Variants in ARID5B observed in about 807,000 individuals in gnomAD.
ARID5B encodes the protein AT-rich interaction domain 5B, also known as AT-rich interactive domain-containing protein 5B.
In ARID5B, 13 loss-of-function variants were observed where a neutral mutation model predicts 97.2. The ratio of observed to expected loss-of-function variants is 0.13; its 90% CI spans 0.09 to 0.21. The LOEUF (loss-of-function observed/expected upper bound fraction) is 0.21. Ranked by LOEUF, ARID5B falls within the 10% of genes least tolerant of loss-of-function variation. The probability of loss-of-function intolerance (pLI) is 1.00; values close to 1 mark genes in which losing one functional copy is unlikely to be tolerated. For missense variants in ARID5B, 1,210 were observed against 1,465.3 expected (o/e 0.83, Z 2.84); for synonymous variants, 556 against 570.3 (o/e 0.97, Z 0.36).
At chr10:62,078,306 T>C (rs955352064) in intron 8 of ARID5B, among the ~76,000 whole-genome samples, 1 of 152,074 alleles carries the variant, frequency 6.6e-6, no homozygotes, top group South Asian at 2.1e-4. Context: ...CTGGGCAACA[T>C]GGTGATACCC....
chr10:61,963,902 A>G (rs894503141), intron 3 of ARID5B, among the ~76,000 whole-genome samples: 1 of 152,106 alleles, frequency 6.6e-6, no homozygotes, highest in Non-Finnish European at 1.5e-5. Context: ...ACTCTCAGTT[A>G]AAGGAGCTTA....
intron 2 of ARID5B, among the ~76,000 whole-genome samples, chr10:61,924,209 G>A (rs1445923508): frequency 6.6e-6 from 1 of 152,188 alleles, no homozygotes; most frequent in Admixed American, 6.5e-5. Context: ...ACCTCCCCGA[G>A]GAGGCAAAAG....
chr10:61,917,012 C>T (rs1230831482), intron 2 of ARID5B, among the ~76,000 whole-genome samples: 1 of 151,882 alleles, frequency 6.6e-6, no homozygotes, highest in African/African-American at 2.4e-5. Context: ...CTAAAATGTT[C>T]CTCTTGAGCC....
chr10:61,979,417 G>C (rs756836557), intron 3 of ARID5B, among the ~76,000 whole-genome samples: 1 of 152,038 alleles, frequency 6.6e-6, no homozygotes, highest in Non-Finnish European at 1.5e-5. Flanking sequence ...TCGTAGGAAG[G>C]ATTTCACAGA....
At chr10:61,903,223 T>C (rs1179457970) in intron 2 of ARID5B, among the ~76,000 whole-genome samples, 1 of 151,762 alleles carries the variant, frequency 6.6e-6, no homozygotes, top group Non-Finnish European at 1.5e-5. Context: ...CCACTGGCCC[T>C]GCGGGTCCAG....
chr10:62,060,702 A>T (rs187224452), intron 7 of ARID5B, among the ~76,000 whole-genome samples: 126 of 152,348 alleles, frequency 8.3e-4, no homozygotes, highest in African/African-American at 3.0e-3. Context: ...AGTCAACCCA[A>T]TAGGCTAGAC....
intron 2 of ARID5B, among the ~76,000 whole-genome samples, chr10:61,934,197 A>T (rs1844259451): frequency 6.6e-6 from 1 of 152,200 alleles, no homozygotes; most frequent in Non-Finnish European, 1.5e-5. Flanking sequence ...CGTAGAATTG[A>T]AGAGAGTTAG....
intron 4 of ARID5B, among the ~76,000 whole-genome samples, chr10:62,025,698 G>A (rs1451850186): frequency 6.6e-6 from 1 of 150,806 alleles, no homozygotes; most frequent in Non-Finnish European, 1.5e-5. Flanking sequence ...ATGTTGAGAA[G>A]TATAGGTATA....
At position 62,031,530 on chromosome 10, in the gene ARID5B, A is replaced by G. The variant is rs557049792; in HGVS notation, c.734-19358A>G. 2.0e-5 allele frequency among the ~76,000 whole-genome samples: 3 copies of G among 152,344 alleles called. No homozygotes were observed. In the South Asian group the frequency reaches 6.2e-4, roughly 32 times the overall value. On this transcript the variant is annotated intron_variant, in intron 4 of 9. Transcript: ENST00000279873. ...GACCACTTGGTAAAGACCATGGGTT[A>G]ATCAAGGAACTAACCTCTTCACTGT...
intron 8 of ARID5B, among the ~76,000 whole-genome samples, chr10:62,075,566 G>A (rs900936680): frequency 3.3e-5 from 5 of 152,210 alleles, no homozygotes; most frequent in Admixed American, 6.5e-5. Flanking sequence ...TTCGGAGGAC[G>A]ACTCGCCACA....
At chr10:61,901,788 C>CCGG in intron 1 of ARID5B, 58 bp downstream of exon 1, 1 of 1,513,698 alleles carries the variant, frequency 6.6e-7, no homozygotes, top group Admixed American at 1.7e-5. Flanking sequence ...CCCCAACCCC[C>CCGG]CAGCTCACCC....
chr10:62,088,692 A>G (rs1840324795), intron 9 of ARID5B, among the ~76,000 whole-genome samples: 2 of 152,224 alleles, frequency 1.3e-5, no homozygotes, highest in Non-Finnish European at 2.9e-5. Context: ...CCTCCAACAT[A>G]GAACCATGTT....
At chr10:62,056,924 G>T (rs1162297715) in intron 5 of ARID5B, among the ~76,000 whole-genome samples, 193 bp from the exon 6 acceptor site, 1 of 152,176 alleles carries the variant, frequency 6.6e-6, no homozygotes, top group Non-Finnish European at 1.5e-5. Flanking sequence ...GCCCTTTACA[G>T]AAATTTGACA....
At chr10:61,942,753 C>G (rs910525513) in intron 3 of ARID5B, among the ~76,000 whole-genome samples, 1 of 152,192 alleles carries the variant, frequency 6.6e-6, no homozygotes, top group East Asian at 1.9e-4. Flanking sequence ...AATCATCACA[C>G]CTTTGCACTC....
Position 61,957,300 on chromosome 10 carries a change from T to A in ARID5B, c.502+16892T>A, listed in dbSNP as rs547744831. Among the ~76,000 whole-genome samples, 516 of 152,296 alleles carry A rather than the reference T, an allele frequency of 3.4e-3. 1 individual carries two copies. Among genetic ancestry groups the A allele is most frequent in the South Asian group, 0.01 (50 of 4,826 alleles). The stretch of plus-strand genomic sequence containing the variant: ...GTTGTTGTTGTTGAGACGGAGTTTC[T>A]CTCTGTCGCCCAGGCTGGAGTGCAG... On this transcript the variant is annotated intron_variant, in intron 3 of 9. Transcript: ENST00000279873.
In ARID5B at chr10:61,973,055, A is replaced by G. The variant is rs1364911361; in HGVS notation, c.503-27036A>G. ...AGCTCTCAGACTATGATGAGGAAAG[A>G]CAACCCAACACTAAGAGAGCTCCTG... On this transcript the variant is annotated intron_variant, in intron 3 of 9. Transcript: ENST00000279873. Among the ~76,000 whole-genome samples the G allele has an allele frequency of 3.9e-5, 6 of 152,226 alleles. No homozygotes were observed. In the South Asian group the frequency reaches 1.2e-3, roughly 31 times the overall value.
chr10:61,915,230 G>A lies in ARID5B; in HGVS notation c.276+12817G>A, dbSNP rs117226938. 1.9e-4 allele frequency among the ~76,000 whole-genome samples: 29 copies of A among 152,286 alleles called. No individual in the cohort carries two copies. In the East Asian group the frequency reaches 5.4e-3, roughly 28 times the overall value. On this transcript the variant is annotated intron_variant, in intron 2 of 9. Coordinates refer to ENST00000279873, the MANE Select transcript of ARID5B (RefSeq NM_032199.3). ...GACTTTGTGTGCAGCCCAGCACTGC[G>A]CACTGGAGAGAGAGAGGTGGAAAAC...
intron 2 of ARID5B, among the ~76,000 whole-genome samples, chr10:61,918,400 A>C (rs1843948040): frequency 6.6e-6 from 1 of 152,178 alleles, no homozygotes; most frequent in Non-Finnish European, 1.5e-5. Context: ...ATAGAGCACA[A>C]AACCATGACC....
chr10:62,049,628 C>A, intron 4 of ARID5B: 2 of 1,138,340 alleles, frequency 1.8e-6, no homozygotes, highest in Non-Finnish European at 2.5e-6. Context: ...GGATCCTAAG[C>A]CCTAAAGCCT....
Sources: gnomAD v4.1 joint callset for allele counts (sites outside exome capture counted in the v4.1 genomes callset) on GRCh38, gnomAD v4.1.1 for gene constraint, MANE v1.5 for transcripts, NCBI Gene and HGNC (gene_info 2026-07-23, HGNC 2026-07-21) for gene names.